The following SRGAP2C variants were observed in gnomAD, a reference collection of about 807,000 sequenced individuals.
SRGAP2C encodes the protein SLIT-ROBO Rho GTPase activating protein 2C.
SRGAP2C carries 15 observed loss-of-function variants against 25.1 expected under a neutral mutation model. The ratio of observed to expected loss-of-function variants is 0.60; its 90% CI spans 0.40 to 0.92. The LOEUF is 0.92. SRGAP2C is among the 40% of genes least tolerant of loss of function. The probability of loss-of-function intolerance (pLI) is 0.00; values close to 1 mark genes in which losing one functional copy is unlikely to be tolerated. For synonymous variants in SRGAP2C, 44 were observed against 96.6 expected (o/e 0.46, Z 3.19); for missense variants, 144 against 264.4 (o/e 0.54, Z 3.16).
At chr1:121,375,696 A>G (rs1484117616) in intron 7 of SRGAP2C, among the ~76,000 whole-genome samples, 4 of 150,874 alleles carry the variant, frequency 2.7e-5, no homozygotes, top group Non-Finnish European at 4.4e-5. Context: ...CAAGAACTTA[A>G]CTAAAGAGTT....
intron 6 of SRGAP2C, among the ~76,000 whole-genome samples, chr1:121,374,508 G>A: frequency 6.6e-6 from 1 of 152,096 alleles, no homozygotes; most frequent in East Asian, 1.9e-4. Context: ...CTAGGATTTG[G>A]TTTCAGGTAT....
intron 4 of SRGAP2C, among the ~76,000 whole-genome samples, chr1:121,346,879 T>C (rs1349126998): frequency 6.6e-6 from 1 of 151,772 alleles, no homozygotes. Flanking sequence ...GCTCCTAAGA[T>C]AGATTGTCTG....
chr1:121,228,839 GT>G (rs1363656306), intron 2 of SRGAP2C, among the ~76,000 whole-genome samples: 1 of 151,030 alleles, frequency 6.6e-6, no homozygotes, highest in African/African-American at 2.5e-5. Context: ...CCCTGAGTTT[GT>G]CATGTTATGT....
In SRGAP2C at chr1:121,365,514, G is replaced by A. The variant is rs587655832; in HGVS notation, c.486+159G>A. ...CCCACCCATCTCTTTTTTCACACTC[G>A]TCTTTTCAAAACGGAATGAGTCAAA... On this transcript the variant is annotated intron_variant, in intron 5 of 9. Coordinates refer to ENST00000367123, the MANE Select transcript of SRGAP2C (RefSeq NM_001329984.2). Among the ~76,000 whole-genome samples, 6 of 86,120 alleles carry A rather than the reference G, an allele frequency of 7.0e-5. 1 individual carries two copies. In the South Asian group the frequency reaches 1.5e-3, roughly 22 times the overall value. The allele number at this position is 86,120 out of a possible 152,430, so 56.5% of individuals were successfully genotyped here. A position where few individuals can be genotyped will look rare whatever the true frequency, so the allele number is the denominator to read the frequency against.
intron 3 of SRGAP2C, among the ~76,000 whole-genome samples, chr1:121,305,174 C>T (rs1657800900): frequency 6.6e-6 from 1 of 151,742 alleles, no homozygotes; most frequent in African/African-American, 2.4e-5. Flanking sequence ...CCCTGATCAC[C>T]TCTTTTGCAT....
chr1:121,211,124 A>G (rs587681715), intron 2 of SRGAP2C, among the ~76,000 whole-genome samples: 26 of 151,346 alleles, frequency 1.7e-4, no homozygotes, highest in Admixed American at 1.6e-3. Context: ...TTCAACCTGA[A>G]GGACTCTTCA....
intron 3 of SRGAP2C, among the ~76,000 whole-genome samples, chr1:121,310,722 A>T (rs1657963860): frequency 1.1e-5 from 1 of 90,414 alleles, no homozygotes; most frequent in South Asian, 3.2e-4. Flanking sequence ...TTTGTCAAAG[A>T]TCAGATAGTT....
At chr1:121,362,307 A>G (rs1553348740) in intron 4 of SRGAP2C, 1 of 137,212 alleles carries the variant, frequency 7.3e-6, no homozygotes, top group Admixed American at 7.5e-5. Flanking sequence ...TGTATTGCAC[A>G]TTTTAAGTGG....
chr1:121,285,504 T>C (rs1364160538), intron 3 of SRGAP2C, among the ~76,000 whole-genome samples: 1 of 147,986 alleles, frequency 6.8e-6, no homozygotes, highest in Admixed American at 6.8e-5. Flanking sequence ...TTCACCAAAC[T>C]GTCTTTAATT....
chr1:121,231,584 T>G (rs1655820145), intron 2 of SRGAP2C, among the ~76,000 whole-genome samples: 1 of 151,098 alleles, frequency 6.6e-6, no homozygotes. Flanking sequence ...GCCACAGATT[T>G]AGCGTTATTA....
At chr1:121,385,608 G>T (rs1364865760) in intron 8 of SRGAP2C, among the ~76,000 whole-genome samples, 1 of 151,626 alleles carries the variant, frequency 6.6e-6, no homozygotes, top group Non-Finnish European at 1.5e-5. Flanking sequence ...GCATGTGAAT[G>T]TGCCCACTCT....
chr1:121,339,095 G>A (rs1658589454), intron 4 of SRGAP2C, among the ~76,000 whole-genome samples: 1 of 150,964 alleles, frequency 6.6e-6, no homozygotes, highest in African/African-American at 2.4e-5. Context: ...TATATATTAA[G>A]CTTAGTGTAA....
At chr1:121,188,358 G>A (rs1421697553) in intron 2 of SRGAP2C, among the ~76,000 whole-genome samples, 1 of 152,078 alleles carries the variant, frequency 6.6e-6, no homozygotes, top group Admixed American at 6.6e-5. Context: ...CGACTGACTT[G>A]ACTCATGAAT....
Position 121,391,587 on chromosome 1 carries a change from A to G in SRGAP2C, c.*3732A>G, listed in dbSNP as rs1660083855. The G allele has an allele frequency of 6.6e-6, 1 of 152,312 alleles. No homozygotes were observed. Among genetic ancestry groups the G allele is most frequent in the African/African-American group, 2.4e-5 (1 of 41,488 alleles). 9.4% of individuals were successfully genotyped at this position (152,312 alleles called of 1,614,324 possible). A position where few individuals can be genotyped will look rare whatever the true frequency, so the allele number is the denominator to read the frequency against. The stretch of plus-strand genomic sequence containing the variant: ...CATTAGCTTAACATTTGTTAAGGAA[A>G]CAAAAAGACTTCGGTGACCACACCT... On this transcript the variant is annotated 3_prime_UTR_variant, in exon 10 of 10. Transcript: ENST00000367123.
At chr1:121,207,689 A>G (rs1655149517) in intron 2 of SRGAP2C, among the ~76,000 whole-genome samples, 2 of 152,346 alleles carry the variant, frequency 1.3e-5, no homozygotes, top group African/African-American at 4.8e-5. Context: ...AACCATTTAT[A>G]GGAAATTATA....
chr1:121,338,933 A>G (rs1426993288), intron 4 of SRGAP2C, among the ~76,000 whole-genome samples: 1 of 149,540 alleles, frequency 6.7e-6, no homozygotes, highest in African/African-American at 2.5e-5. Flanking sequence ...AAAAGAAAAA[A>G]TTTTAAAAAG....
intron 4 of SRGAP2C, among the ~76,000 whole-genome samples, chr1:121,338,969 T>A (rs1658583107): frequency 6.6e-6 from 1 of 150,726 alleles, no homozygotes; most frequent in East Asian, 1.9e-4. Flanking sequence ...TTCAAGATAT[T>A]GTGGGTAAAA....
intron 3 of SRGAP2C, among the ~76,000 whole-genome samples, chr1:121,305,927 T>C (rs1464611597): frequency 1.2e-4 from 18 of 152,026 alleles, no homozygotes; most frequent in African/African-American, 4.1e-4. Context: ...TTTATTCTCA[T>C]TTTTACTCTT....
rs587734052 is a variant in SRGAP2C at position 121,255,058 on chromosome 1, C to G, written c.68-29745C>G. Among the ~76,000 whole-genome samples the G allele has an allele frequency of 9.0e-4, 136 of 151,446 alleles. 1 individual carries two copies. The highest frequency in any genetic ancestry group is 3.0e-3 in the African/African-American group (122 of 41,322). On this transcript the variant is annotated intron_variant, in intron 2 of 9. Coordinates refer to ENST00000367123, the MANE Select transcript of SRGAP2C (RefSeq NM_001329984.2). ...GGATCCAGAGTGAGAAACTTTCTCCCTGAAGGGGCTCCCTGGACTTTTGCT... is the reference window on the plus strand; with the variant it reads ...GGATCCAGAGTGAGAAACTTTCTCCGTGAAGGGGCTCCCTGGACTTTTGCT...
Sources: allele counts gnomAD v4.1 joint callset (sites outside exome capture counted in the v4.1 genomes callset), GRCh38; gene constraint gnomAD v4.1.1; transcripts MANE v1.5; gene names NCBI Gene and HGNC (gene_info 2026-07-23, HGNC 2026-07-21).